Variants in STN1 observed in about 807,000 individuals in gnomAD.
STN1 encodes CST complex subunit STN1.
A neutral mutation model predicts 45.5 loss-of-function variants in STN1; 29 were observed. The ratio of observed to expected loss-of-function variants is 0.64; its 90% CI spans 0.47 to 0.87. STN1 has a LOEUF of 0.87. STN1 is among the 40% of genes least tolerant of loss of function. The pLI, the probability that STN1 is intolerant of heterozygous loss-of-function variation, is 0.00. For missense variants in STN1, 376 were observed against 441.4 expected, an observed-to-expected ratio of 0.85 and a Z score of 1.33; for synonymous variants, 148 against 159.0, an observed-to-expected ratio of 0.93 and a Z score of 0.52.
intron 2 of STN1, among the ~76,000 whole-genome samples, chr10:103,910,999 G>A (rs1843286799): frequency 8.1e-6 from 1 of 123,282 alleles, no homozygotes; most frequent in Admixed American, 9.6e-5. Flanking sequence ...GAAACCATGA[G>A]AAAGGCTTCT....
At chr10:103,899,716 A>T (rs186735300) in intron 5 of STN1, among the ~76,000 whole-genome samples, 1 of 152,290 alleles carries the variant, frequency 6.6e-6, no homozygotes, top group African/African-American at 2.4e-5. Flanking sequence ...AGAAAAAATA[A>T]AGAAATTTCC....
rs981581004 is a variant in STN1, at chr10:103,897,690, A to G, written c.611T>C (p.Leu204Pro). ...SNPGALDLPS[L>P]TSLLSEKAKE... is the part of the protein sequence containing the mutation. ...GGCTTTTTCACTCAGCAAACTCGTG[A>G]GACTGGGGAGGTCCAGGGCGCCTGG... Residue 204 changes from leucine (L) to proline (P), a missense_variant, in exon 7 of 10, where the codon CTC becomes CCC. Leu to Pro is a moderately conservative substitution (Grantham distance 98). Coordinates refer to ENST00000224950, the MANE Select transcript of STN1 (RefSeq NM_024928.5). 1 of 1,614,186 alleles carries G rather than the reference A, an allele frequency of 6.2e-7. No individual in the cohort carries two copies. The highest frequency in any genetic ancestry group is 8.5e-7 in the Non-Finnish European group (1 of 1,180,024).
chr10:103,908,741 T>A (rs929745298), intron 3 of STN1, among the ~76,000 whole-genome samples: 1 of 152,222 alleles, frequency 6.6e-6, no homozygotes, highest in Admixed American at 6.5e-5. Context: ...TGCCTTAATC[T>A]TTTTATAATG....
At chr10:103,890,618 A>G (rs1439407130) in intron 8 of STN1, among the ~76,000 whole-genome samples, 1 of 152,192 alleles carries the variant, frequency 6.6e-6, no homozygotes, top group African/African-American at 2.4e-5. Flanking sequence ...AACTTCCAGG[A>G]AGCAACCAAC....
At chr10:103,899,587 T>C (rs1273971958) in intron 5 of STN1, among the ~76,000 whole-genome samples, 1 of 150,844 alleles carries the variant, frequency 6.6e-6, no homozygotes, top group Non-Finnish European at 1.5e-5. Context: ...CTCAGAAGGC[T>C]GAGGTGGGAG....
In STN1 at chr10:103,911,675, C is replaced by T. The variant is rs75634207; in HGVS notation, c.134-1053G>A. On this transcript the variant is annotated intron_variant, in intron 2 of 9. Coordinates refer to ENST00000224950, the MANE Select transcript of STN1 (RefSeq NM_024928.5). ...GGGAGCCACCACACCCAGTCAAGTC[C>T]TTTTTAAAATAAATATACGAATTCT... Among the ~76,000 whole-genome samples, 304 of 152,216 alleles carry T rather than the reference C, an allele frequency of 2.0e-3. 5 individuals carry two copies. The East Asian group carries it at 0.043, about 22-fold the overall frequency.
rs1467013284 is a variant in STN1 at position 103,909,488 on chromosome 10, G to GTATATATGTATATATA, written c.229+1038_229+1039insTATATATACATATATA. 3.3e-4 allele frequency among the ~76,000 whole-genome samples: 11 copies of GTATATATGTATATATA among 33,224 alleles called. 1 individual carries two copies. The highest frequency in any genetic ancestry group is 7.3e-4 in the African/African-American group (10 of 13,758). 21.8% of individuals were successfully genotyped at this position (33,224 alleles called of 152,430 possible). A position where few individuals can be genotyped will look rare whatever the true frequency, so the allele number is the denominator to read the frequency against. Reference sequence around the variant, plus strand: ...TATATATGTATATATGTATATATATGTGTGTGTGTATATGTATATATGTAT... The same window carrying GTATATATGTATATATA: ...TATATATGTATATATGTATATATATGTATATATGTATATATATGTGTGTGTATATGTATATATGTAT... On this transcript the variant is annotated intron_variant, in intron 3 of 9. Coordinates refer to ENST00000224950, the MANE Select transcript of STN1 (RefSeq NM_024928.5).
In STN1 at chr10:103,897,531, G is replaced by C; in HGVS notation, c.753+17C>G. 4 of 1,611,570 alleles carry C rather than the reference G, an allele frequency of 2.5e-6. No homozygotes were observed. In the South Asian group the frequency reaches 3.3e-5, roughly 13 times the overall value. Reference sequence around the variant, plus strand: ...GGGCAGGGAACCAGAATTCTCACATGGGCATGCTGCACTCACTTGGTCGGA... The same window carrying C: ...GGGCAGGGAACCAGAATTCTCACATCGGCATGCTGCACTCACTTGGTCGGA... On this transcript the variant is annotated intron_variant, in intron 7 of 9. Transcript: ENST00000224950.
At chr10:103,891,282 T>C (rs1260737834) in intron 8 of STN1, among the ~76,000 whole-genome samples, 2 of 152,180 alleles carry the variant, frequency 1.3e-5, no homozygotes, top group Non-Finnish European at 1.5e-5. Flanking sequence ...GTACCCATAG[T>C]ATGGAATACC....
intron 7 of STN1, among the ~76,000 whole-genome samples, chr10:103,896,785 C>T (rs942682910): frequency 6.6e-6 from 1 of 152,022 alleles, no homozygotes; most frequent in Non-Finnish European, 1.5e-5. Flanking sequence ...ATCTGCCCAC[C>T]TTGACCTCCC....
chr10:103,882,887 CCCT>C, intron 9 of STN1, 46 bp from the exon 10 acceptor site: 1 of 1,574,458 alleles, frequency 6.4e-7, no homozygotes, highest in Non-Finnish European at 8.6e-7. Context: ...AACTGTCAGG[CCCT>C]CCTCTGTCCT....
intron 4 of STN1, among the ~76,000 whole-genome samples, chr10:103,903,875 C>T (rs1843224862): frequency 6.6e-6 from 1 of 152,154 alleles, no homozygotes. Flanking sequence ...CACGTTGTCT[C>T]CCTTAAATCT....
At chr10:103,909,426 A>ATATATATATG (rs1843269756) in intron 3 of STN1, among the ~76,000 whole-genome samples, 5 of 57,066 alleles carry the variant, frequency 8.8e-5, no homozygotes, top group South Asian at 5.2e-4. Flanking sequence ...GTATATATGT[A>ATATATATATG]TATATATGTA....
chr10:103,890,070 G>GT (rs1215896904), intron 8 of STN1, among the ~76,000 whole-genome samples: 14 of 151,834 alleles, frequency 9.2e-5, no homozygotes, highest in African/African-American at 2.7e-4. Flanking sequence ...TCACCTTCAT[G>GT]TTCCACAGTG....
At position 103,915,851 on chromosome 10, in the gene STN1, T is replaced by C. The variant is rs370111042; in HGVS notation, c.133+1611A>G. Reference sequence around the variant, plus strand: ...GGTTTGGGGATGAAACTGTTCCACCTCAGATCATGAGGCATTAGATTATCC... The same window carrying C: ...GGTTTGGGGATGAAACTGTTCCACCCCAGATCATGAGGCATTAGATTATCC... On this transcript the variant is annotated intron_variant, in intron 2 of 9. Coordinates refer to ENST00000224950, the MANE Select transcript of STN1 (RefSeq NM_024928.5). Among the ~76,000 whole-genome samples the C allele has an allele frequency of 3.8e-4, 58 of 152,140 alleles. 1 individual carries two copies. The highest frequency in any genetic ancestry group is 1.3e-3 in the African/African-American group (54 of 41,488).
intron 3 of STN1, among the ~76,000 whole-genome samples, chr10:103,909,083 CT>C (rs1843263217): frequency 6.6e-6 from 1 of 151,758 alleles, no homozygotes; most frequent in South Asian, 2.1e-4. Context: ...CCTGTACTTT[CT>C]GTTTCAAAAG....
chr10:103,904,074 C>G (rs1171591018), intron 4 of STN1, among the ~76,000 whole-genome samples: 3 of 141,998 alleles, frequency 2.1e-5, no homozygotes, highest in Non-Finnish European at 4.6e-5. Flanking sequence ...CACGTAATGG[C>G]AAAAAAGAAG....
intron 4 of STN1, among the ~76,000 whole-genome samples, chr10:103,904,012 A>G (rs2134369587): frequency 6.6e-6 from 1 of 152,332 alleles, no homozygotes; most frequent in South Asian, 2.1e-4. Flanking sequence ...AAAATTAAGC[A>G]AATGAGCATT....
chr10:103,913,644 T>A (rs1416040557), intron 2 of STN1, among the ~76,000 whole-genome samples: 1 of 152,116 alleles, frequency 6.6e-6, no homozygotes, highest in Non-Finnish European at 1.5e-5. Context: ...TACAAAAAGA[T>A]GGCTGAAGAC....
Sources: allele counts gnomAD v4.1 joint callset (sites outside exome capture counted in the v4.1 genomes callset), GRCh38; gene constraint gnomAD v4.1.1; transcripts MANE v1.5; gene names NCBI Gene and HGNC (gene_info 2026-07-23, HGNC 2026-07-21).